KCNH5: variants seen among roughly 807,000 people sequenced by gnomAD.
KCNH5 encodes the protein voltage-gated delayed rectifier potassium channel KCNH5.
In KCNH5, 46 loss-of-function variants were observed where a neutral mutation model predicts 96.1. The observed-to-expected ratio is 0.48, with a 90% CI of 0.38 to 0.61. The LOEUF (loss-of-function observed/expected upper bound fraction) is 0.61. KCNH5 is among the 20% of genes least tolerant of loss of function. KCNH5 has a pLI of 0.00. For synonymous variants in KCNH5, 439 were observed against 449.8 expected (o/e 0.98, Z 0.30); for missense variants, 907 against 1,225.8 (o/e 0.74, Z 3.88).
At chr14:62,929,096 G>T (rs191157993) in intron 7 of KCNH5, among the ~76,000 whole-genome samples, 190 of 152,038 alleles carry the variant, frequency 1.2e-3, no homozygotes, top group African/African-American at 4.5e-3. Flanking sequence ...CTTAATTCTA[G>T]CACATCTCTC....
intron 7 of KCNH5, among the ~76,000 whole-genome samples, chr14:62,876,097 G>A (rs1038916224): frequency 2.6e-5 from 4 of 152,138 alleles, no homozygotes; most frequent in Admixed American, 1.3e-4. Flanking sequence ...AACCTGGGAG[G>A]CGGAGGTTGC....
intron 10 of KCNH5, among the ~76,000 whole-genome samples, chr14:62,723,091 CAG>C (rs1347391747): frequency 1.3e-5 from 2 of 152,030 alleles, no homozygotes; most frequent in African/African-American, 2.4e-5. Context: ...GGCTGTGACT[CAG>C]GGGGAACAAT....
chr14:62,927,679 CT>C (rs1297264564), intron 7 of KCNH5, among the ~76,000 whole-genome samples: 4 of 152,008 alleles, frequency 2.6e-5, no homozygotes, highest in African/African-American at 9.7e-5. Flanking sequence ...ACCTAAAATA[CT>C]CAAATTCATA....
intron 7 of KCNH5, among the ~76,000 whole-genome samples, chr14:62,915,333 G>A (rs1013985428): frequency 1.3e-5 from 2 of 152,122 alleles, no homozygotes; most frequent in African/African-American, 4.8e-5. Context: ...AATATTTCAG[G>A]TCTATAAGGT....
Position 63,006,400 on chromosome 14 carries a change from T to C in KCNH5, c.270A>G (p.Ser90=). The C allele has an allele frequency of 6.2e-7, 1 of 1,612,936 alleles. No homozygotes were observed. Among genetic ancestry groups the C allele is most frequent in the Non-Finnish European group, 8.5e-7 (1 of 1,179,174 alleles). Residue 90 remains serine (S), a synonymous_variant, in exon 3 of 11, where the codon TCA becomes TCG. Coordinates refer to ENST00000322893, the MANE Select transcript of KCNH5 (RefSeq NM_139318.5). ...TGTACAGAAGAACTTCAAAGCAGTT[T>C]GATTCGTAGTTGTCAAAAGTTTGCC... is the stretch of plus-strand genomic sequence containing the variant. ...KVRQTFDNYE[S]NCFEVLLYKK...
intron 7 of KCNH5, among the ~76,000 whole-genome samples, chr14:62,871,258 A>G (rs914384074): frequency 1.3e-5 from 2 of 152,178 alleles, no homozygotes; most frequent in African/African-American, 4.8e-5. Context: ...GTAGCCAGTT[A>G]AACAATTTCT....
At position 62,797,846 on chromosome 14, in the gene KCNH5, C is replaced by A. The variant is rs146061511; in HGVS notation, c.1822+4483G>T. On this transcript the variant is annotated intron_variant, in intron 9 of 10. Transcript: ENST00000322893. ...TTCTCATGCCTCAGCCTCCCAAATA[C>A]CTCCCAAATACAGATATATGCCAGC... is the stretch of plus-strand genomic sequence containing the variant. Among the ~76,000 whole-genome samples, 667 of 151,718 alleles carry A rather than the reference C, an allele frequency of 4.4e-3. 7 individuals carry two copies. Among genetic ancestry groups the A allele is most frequent in the Non-Finnish European group, 5.1e-3 (347 of 67,900 alleles).
intron 7 of KCNH5, among the ~76,000 whole-genome samples, chr14:62,949,179 G>A (rs1182235606): frequency 6.6e-6 from 1 of 152,172 alleles, no homozygotes; most frequent in Non-Finnish European, 1.5e-5. Flanking sequence ...GCAGGAGAAG[G>A]AAATAAAGGA....
At chr14:62,850,673 G>A (rs1013931444) in intron 7 of KCNH5, among the ~76,000 whole-genome samples, 2 of 152,004 alleles carry the variant, frequency 1.3e-5, no homozygotes, top group African/African-American at 2.4e-5. Context: ...TATTAATGCT[G>A]ACAGGATCCT....
intron 7 of KCNH5, among the ~76,000 whole-genome samples, chr14:62,903,993 A>G (rs1046462067): frequency 6.6e-6 from 1 of 152,116 alleles, no homozygotes; most frequent in Non-Finnish European, 1.5e-5. Flanking sequence ...ATATTTCTTA[A>G]GAAACTAAAA....
At chr14:62,805,360 T>G (rs982324730) in intron 8 of KCNH5, among the ~76,000 whole-genome samples, 12 of 152,198 alleles carry the variant, frequency 7.9e-5, no homozygotes, top group Non-Finnish European at 1.5e-4. Flanking sequence ...CATATGACAC[T>G]AATTGATTTA....
chr14:62,741,417 AG>A (rs1885268684), intron 10 of KCNH5, among the ~76,000 whole-genome samples: 1 of 152,170 alleles, frequency 6.6e-6, no homozygotes, highest in Non-Finnish European at 1.5e-5. Context: ...CACACCTAGT[AG>A]CACACTTTTA....
chr14:63,022,862 C>G (rs114366047), intron 1 of KCNH5, among the ~76,000 whole-genome samples: 2,402 of 152,198 alleles, frequency 0.016, 94 homozygotes, highest in East Asian at 0.14. Flanking sequence ...ACCTCTCCTT[C>G]ACAGCCATTC....
intron 9 of KCNH5, among the ~76,000 whole-genome samples, chr14:62,801,971 G>T (rs2139999575): frequency 6.6e-6 from 1 of 152,206 alleles, no homozygotes; most frequent in South Asian, 2.1e-4. Context: ...GACAGGTTCT[G>T]TTGCCCTTCT....
At chr14:62,812,612 A>T (rs1189429796) in intron 8 of KCNH5, among the ~76,000 whole-genome samples, 2 of 113,522 alleles carry the variant, frequency 1.8e-5, no homozygotes, top group East Asian at 2.5e-4. Context: ...GATAATTAAC[A>T]GAGAAGGCAA....
At chr14:62,840,126 A>G (rs1024334630) in intron 8 of KCNH5, among the ~76,000 whole-genome samples, 1 of 152,176 alleles carries the variant, frequency 6.6e-6, no homozygotes, top group African/African-American at 2.4e-5. Flanking sequence ...ACCCTCTAAT[A>G]CCATAGTTTC....
chr14:62,888,158 G>A (rs116765240), intron 7 of KCNH5, among the ~76,000 whole-genome samples: 26 of 152,190 alleles, frequency 1.7e-4, no homozygotes, highest in African/African-American at 6.0e-4. Context: ...GTTGTGCTTT[G>A]TCTTACCAAG....
chr14:62,708,817 T>A (rs1260367845), intron 10 of KCNH5, among the ~76,000 whole-genome samples: 1 of 152,168 alleles, frequency 6.6e-6, no homozygotes, highest in East Asian at 1.9e-4. Flanking sequence ...CACACATACA[T>A]ATTTGTATAT....
At chr14:62,866,637 G>A (rs1888139783) in intron 7 of KCNH5, among the ~76,000 whole-genome samples, 1 of 152,146 alleles carries the variant, frequency 6.6e-6, no homozygotes, top group South Asian at 2.1e-4. Context: ...TACATGAAGA[G>A]GTTGCATGAC....
Sources: allele counts gnomAD v4.1 joint callset (sites outside exome capture counted in the v4.1 genomes callset), GRCh38; gene constraint gnomAD v4.1.1; transcripts MANE v1.5; gene names NCBI Gene and HGNC (gene_info 2026-07-23, HGNC 2026-07-21).